PRMT3: variants seen among roughly 807,000 people sequenced by gnomAD.
PRMT3 encodes the protein protein arginine N-methyltransferase 3.
In PRMT3, 62 loss-of-function variants were observed where a neutral mutation model predicts 71.9. The observed-to-expected ratio is 0.86, with a 90% confidence interval of 0.70 to 1.07. The LOEUF (loss-of-function observed/expected upper bound fraction) is 1.07, where lower values mean the gene tolerates loss of function less well. Among genes scored for constraint, PRMT3 ranks in the 50% least tolerant of loss-of-function variants. The pLI is 0.00. For missense variants in PRMT3, 663 were observed against 643.0 expected, an observed-to-expected ratio of 1.03 and a Z score of -0.34; for synonymous variants, 213 against 220.4, an observed-to-expected ratio of 0.97 and a Z score of 0.30.
At chr11:20,473,336 A>G (rs1404032813) in intron 13 of PRMT3, among the ~76,000 whole-genome samples, 1 of 151,742 alleles carries the variant, frequency 6.6e-6, no homozygotes, top group Non-Finnish European at 1.5e-5. Context: ...TGTCGATTTG[A>G]GATCTTTCTG....
Position 20,387,834 on chromosome 11 carries a change from G to A in PRMT3, c.28+60G>A, listed in dbSNP as rs1358263073. On this transcript the variant is annotated intron_variant, in intron 1 of 15. Coordinates refer to ENST00000331079, the MANE Select transcript of PRMT3 (RefSeq NM_005788.4). The surrounding 1 kb of genome is among the most constrained non-coding windows in gnomAD (Gnocchi z 4.3). ...CAGCCCCAGGCCGCGCCGCTGTGGGGCCGGTGGAAGACCCTCCGGGACACG... is the reference window on the plus strand; with the variant it reads ...CAGCCCCAGGCCGCGCCGCTGTGGGACCGGTGGAAGACCCTCCGGGACACG... 2.0e-6 allele frequency: 3 copies of A among 1,538,154 alleles called. No homozygotes were observed. Among genetic ancestry groups the A allele is most frequent in the Middle Eastern group, 1.9e-4 (1 of 5,298 alleles).
chr11:20,477,420 G>GGTGGTGCAT (rs1357251508), intron 13 of PRMT3, among the ~76,000 whole-genome samples: 1 of 152,056 alleles, frequency 6.6e-6, no homozygotes, highest in Non-Finnish European at 1.5e-5. Context: ...AGCCAGGCAT[G>GGTGGTGCAT]GTGGTGCATG....
At chr11:20,388,204 G>T in intron 2 of PRMT3, 50 bp downstream of exon 2, 4 of 1,608,940 alleles carry the variant, frequency 2.5e-6, no homozygotes, top group East Asian at 2.2e-5. Flanking sequence ...CCGGGCGCGT[G>T]GGGTCTGTGT....
chr11:20,505,100 G>T (rs1943922057), intron 15 of PRMT3, among the ~76,000 whole-genome samples: 2 of 152,150 alleles, frequency 1.3e-5, no homozygotes, highest in African/African-American at 2.4e-5. Flanking sequence ...CGTAGAAATA[G>T]AATTTTTATA....
chr11:20,403,450 A>G (rs1244058039), intron 8 of PRMT3, among the ~76,000 whole-genome samples: 1 of 152,122 alleles, frequency 6.6e-6, no homozygotes, highest in African/African-American at 2.4e-5. Flanking sequence ...TTATTTTAAT[A>G]CTTTATTTAC....
At chr11:20,409,674 C>T (rs1413556660) in intron 9 of PRMT3, among the ~76,000 whole-genome samples, 1 of 151,718 alleles carries the variant, frequency 6.6e-6, no homozygotes, top group African/African-American at 2.4e-5. Context: ...CACACACACA[C>T]ACACACACAC....
Position 20,426,793 on chromosome 11 carries a change from A to G in PRMT3, c.921A>G (p.Thr307=), listed in dbSNP as rs1419540410. 2.0e-6 allele frequency: 3 copies of G among 1,516,258 alleles called. No homozygotes were observed. Among genetic ancestry groups the G allele is most frequent in the Non-Finnish European group, 1.7e-6 (2 of 1,143,692 alleles). 93.9% of individuals were successfully genotyped at this position (1,516,258 alleles called of 1,614,324 possible). A position where few individuals can be genotyped will look rare whatever the true frequency, so the allele number is the denominator to read the frequency against. The change falls in exon 10 of 16, where the codon ACA becomes ACG. Residue 307 remains threonine, a synonymous_variant. Transcript: ENST00000331079. ...IRLNKLEDTI[T]LIKGKIEEVH... ...TAAATAAACTTGAAGATACTATTAC[A>G]CTAATTAAAGGAAAGATTGAAGAAG...
chr11:20,407,267 C>CAT (rs1394101515), intron 8 of PRMT3: 1 of 152,052 alleles, frequency 6.6e-6, no homozygotes, highest in African/African-American at 2.4e-5. Context: ...TTTCTGGAAA[C>CAT]TTATTATATA....
intron 13 of PRMT3, among the ~76,000 whole-genome samples, chr11:20,474,854 TTGTCTTTTCTACTA>T (rs1850741342): frequency 6.6e-6 from 1 of 152,244 alleles, no homozygotes; most frequent in African/African-American, 2.4e-5. Flanking sequence ...TTTATGCAGC[TTGTCTTTTCTACTA>T]TGTCTTGTTT....
At chr11:20,476,397 A>G (rs1212738393) in intron 13 of PRMT3, among the ~76,000 whole-genome samples, 1 of 152,188 alleles carries the variant, frequency 6.6e-6, no homozygotes, top group East Asian at 1.9e-4. Context: ...CTTTAATGAA[A>G]GGAGGCAAGT....
chr11:20,463,834 G>A (rs1377899772), intron 12 of PRMT3, among the ~76,000 whole-genome samples: 3 of 152,108 alleles, frequency 2.0e-5, no homozygotes, highest in Non-Finnish European at 1.5e-5. Flanking sequence ...AAGTATAATG[G>A]AGAAGGATTT....
intron 13 of PRMT3, among the ~76,000 whole-genome samples, chr11:20,492,490 T>C (rs540889617): frequency 3.3e-4 from 50 of 152,328 alleles, no homozygotes; most frequent in African/African-American, 1.1e-3. Context: ...GGGTTAAATA[T>C]TGAGTTTGGT....
At chr11:20,462,544 A>G (rs1406458841) in intron 12 of PRMT3, among the ~76,000 whole-genome samples, 1 of 152,162 alleles carries the variant, frequency 6.6e-6, no homozygotes. Context: ...TTCGTGTCAT[A>G]TATTCCACAC....
chr11:20,452,329 G>A, intron 11 of PRMT3, 121 bp downstream of exon 11: 1 of 723,654 alleles, frequency 1.4e-6, no homozygotes, highest in Non-Finnish European at 2.3e-6. Context: ...AAAGATGTTT[G>A]CATTACAAGA....
intron 13 of PRMT3, among the ~76,000 whole-genome samples, chr11:20,475,068 G>A (rs941058247): frequency 6.6e-6 from 1 of 152,188 alleles, no homozygotes; most frequent in Admixed American, 6.5e-5. Flanking sequence ...ATGCCTGTGA[G>A]CACATCTACT....
intron 4 of PRMT3, among the ~76,000 whole-genome samples, chr11:20,392,622 GTTT>G (rs77898172): frequency 7.9e-6 from 1 of 127,310 alleles, no homozygotes. Flanking sequence ...CAGATACTTT[GTTT>G]TTTTTTTTTT....
chr11:20,453,421 A>C (rs1052623891), intron 11 of PRMT3, among the ~76,000 whole-genome samples: 1 of 151,032 alleles, frequency 6.6e-6, no homozygotes, highest in African/African-American at 2.4e-5. Context: ...CAGAGGTTGC[A>C]GTGAGAGGAG....
chr11:20,469,971 TAC>T (rs1850604519), intron 13 of PRMT3, among the ~76,000 whole-genome samples: 1 of 152,214 alleles, frequency 6.6e-6, no homozygotes, highest in Non-Finnish European at 1.5e-5. Flanking sequence ...ACTTTTTTAA[TAC>T]AGTCATGTAT....
intron 12 of PRMT3, among the ~76,000 whole-genome samples, chr11:20,463,502 A>C (rs570232998): frequency 9.2e-5 from 14 of 152,148 alleles, no homozygotes; most frequent in Non-Finnish European, 2.1e-4. Context: ...TTAATGCAAA[A>C]ACTGCCATGA....
Sources: allele counts gnomAD v4.1 joint callset (sites outside exome capture counted in the v4.1 genomes callset), GRCh38; gene constraint gnomAD v4.1.1; non-coding constraint Gnocchi (gnomAD v3.1); transcripts MANE v1.5; gene names NCBI Gene and HGNC (gene_info 2026-07-23, HGNC 2026-07-21).